Variants in GSK3B observed in about 807,000 individuals in gnomAD.
GSK3B encodes glycogen synthase kinase-3 beta.
A neutral mutation model predicts 56.4 loss-of-function variants in GSK3B; 15 were observed. The observed-to-expected ratio is 0.27, with a 90% CI of 0.18 to 0.41. GSK3B has a LOEUF of 0.41. Ranked by LOEUF, GSK3B falls within the 10% of genes least tolerant of loss-of-function variation. The pLI, the probability that GSK3B is intolerant of heterozygous loss-of-function variation, is 1.00. For synonymous variants in GSK3B, 181 were observed against 188.9 expected, an observed-to-expected ratio of 0.96 and a Z score of 0.34; for missense variants, 300 against 513.4, an observed-to-expected ratio of 0.58 and a Z score of 4.02.
intron 1 of GSK3B, among the ~76,000 whole-genome samples, chr3:120,044,059 T>C (rs564678627): frequency 2.6e-5 from 4 of 152,358 alleles, no homozygotes; most frequent in South Asian, 2.1e-4. Flanking sequence ...GAGGCCCAGA[T>C]TGTCCCCTTT....
intron 2 of GSK3B, 146 bp downstream of exon 2, chr3:120,001,900 G>A (rs1352331718): frequency 8.2e-6 from 4 of 486,238 alleles, no homozygotes; most frequent in Admixed American, 4.1e-5. Flanking sequence ...TACATGACTA[G>A]AAATAAAATC....
At chr3:119,899,171 G>A (rs1355102181) in intron 7 of GSK3B, among the ~76,000 whole-genome samples, 2 of 152,080 alleles carry the variant, frequency 1.3e-5, no homozygotes, top group Non-Finnish European at 2.9e-5. Context: ...TGGATATACT[G>A]GACAAAGGGA....
chr3:120,023,193 T>A (rs1231770041), intron 1 of GSK3B, among the ~76,000 whole-genome samples: 3 of 151,194 alleles, frequency 2.0e-5, no homozygotes, highest in Non-Finnish European at 2.9e-5. Context: ...GCAGAAGCAT[T>A]GAACACATAC....
intron 1 of GSK3B, among the ~76,000 whole-genome samples, chr3:120,090,586 T>C (rs745466703): frequency 1.3e-5 from 2 of 152,232 alleles, no homozygotes; most frequent in Non-Finnish European, 2.9e-5. Flanking sequence ...CAGTCCAGTA[T>C]GAAGTTCTGC....
At chr3:120,072,798 T>C (rs899413450) in intron 1 of GSK3B, among the ~76,000 whole-genome samples, 14 of 152,148 alleles carry the variant, frequency 9.2e-5, no homozygotes, top group Non-Finnish European at 2.1e-4. Context: ...CAAAAATTAT[T>C]GAGACCAATA....
At chr3:120,054,155 A>C (rs1371095952) in intron 1 of GSK3B, among the ~76,000 whole-genome samples, 1 of 152,252 alleles carries the variant, frequency 6.6e-6, no homozygotes, top group Non-Finnish European at 1.5e-5. Context: ...AGAGCAAACA[A>C]GAAGCATAAA....
Position 119,824,329 on chromosome 3 carries a change from GCACA to G in GSK3B, c.*2455_*2458del, listed in dbSNP as rs3835183. The G allele has an allele frequency of 0.49, 103,535 of 211,234 alleles. 25,527 individuals are homozygous for G. Among genetic ancestry groups the G allele is most frequent in the Admixed American group, 0.59 (9,945 of 16,938 alleles). The allele number at this position is 211,234 out of a possible 1,614,324, so 13.1% of individuals were successfully genotyped here. ...TGAGAAAGAAAAATCACACATCTCA[GCACA>G]CACACACACACACACACACGCACAC... On this transcript the variant is annotated 3_prime_UTR_variant, in exon 11 of 11. Transcript: ENST00000264235.
At chr3:119,846,054 T>G (rs1277964016) in intron 9 of GSK3B, among the ~76,000 whole-genome samples, 3 of 152,180 alleles carry the variant, frequency 2.0e-5, no homozygotes, top group African/African-American at 7.2e-5. Flanking sequence ...GGGGAAAGGA[T>G]TCCCTATTTA....
intron 7 of GSK3B, among the ~76,000 whole-genome samples, chr3:119,893,671 C>T (rs1474948576): frequency 2.0e-5 from 3 of 152,092 alleles, no homozygotes; most frequent in Admixed American, 2.0e-4. Context: ...TACTCTATTT[C>T]ATTCACTCTT....
intron 2 of GSK3B, among the ~76,000 whole-genome samples, chr3:119,983,332 C>G (rs2057482508): frequency 6.6e-6 from 1 of 152,110 alleles, no homozygotes; most frequent in African/African-American, 2.4e-5. Flanking sequence ...ATCATAATGA[C>G]AGGAACAAAT....
intron 7 of GSK3B, among the ~76,000 whole-genome samples, chr3:119,880,143 C>T (rs1055320470): frequency 3.9e-5 from 6 of 152,096 alleles, no homozygotes; most frequent in Non-Finnish European, 7.4e-5. Context: ...TACTGCCTGT[C>T]ATTTAGATAA....
At chr3:120,020,081 G>A in intron 1 of GSK3B, among the ~76,000 whole-genome samples, 1 of 152,314 alleles carries the variant, frequency 6.6e-6, no homozygotes, top group Middle Eastern at 3.4e-3. Flanking sequence ...GAGGAGATAT[G>A]CCTAAAATAT....
chr3:120,053,169 T>C (rs1315724546), intron 1 of GSK3B, among the ~76,000 whole-genome samples: 2 of 152,088 alleles, frequency 1.3e-5, no homozygotes, highest in African/African-American at 4.8e-5. Context: ...AAACCTCTTC[T>C]CTACTAAAAA....
In GSK3B at chr3:119,826,444, C is replaced by T. The variant is rs901797779; in HGVS notation, c.*344G>A. The T allele has an allele frequency of 2.2e-6, 1 of 455,274 alleles. No individual in the cohort carries two copies. Among genetic ancestry groups the T allele is most frequent in the African/African-American group, 2.0e-5 (1 of 51,258 alleles). The allele number at this position is 455,274 out of a possible 1,614,324, so 28.2% of individuals were successfully genotyped here. A position where few individuals can be genotyped will look rare whatever the true frequency, so the allele number is the denominator to read the frequency against. The stretch of plus-strand genomic sequence containing the variant: ...AGGTTTTCTTCTTTTGTGGAAGGGG[C>T]ATGAGGCAGGAGTCCTGTTTTTAAA... On this transcript the variant is annotated 3_prime_UTR_variant, in exon 11 of 11. Transcript: ENST00000264235.
chr3:120,047,622 T>C (rs2058114495), intron 1 of GSK3B, among the ~76,000 whole-genome samples: 1 of 152,244 alleles, frequency 6.6e-6, no homozygotes, highest in South Asian at 2.1e-4. Context: ...TTCCAATTAA[T>C]TTATTCAACA....
rs2055476097 is a variant in GSK3B at position 119,824,822 on chromosome 3, A to G, written c.*1966T>C. ...AGCTAAACAGCGAGTGAAAACCAAGATGGCTCACAGTTGTCTTTCTGGGTA... is the reference window on the plus strand; with the variant it reads ...AGCTAAACAGCGAGTGAAAACCAAGGTGGCTCACAGTTGTCTTTCTGGGTA... On this transcript the variant is annotated 3_prime_UTR_variant, in exon 11 of 11. Coordinates refer to ENST00000264235, the MANE Select transcript of GSK3B (RefSeq NM_001146156.2). 5.4e-6 allele frequency: 1 copy of G among 184,222 alleles called. No individual in the cohort carries two copies. The highest frequency in any genetic ancestry group is 1.2e-5 in the Non-Finnish European group (1 of 86,830). 11.4% of individuals were successfully genotyped at this position (184,222 alleles called of 1,614,324 possible). A position where few individuals can be genotyped will look rare whatever the true frequency, so the allele number is the denominator to read the frequency against.
At chr3:120,011,023 C>A (rs562276679) in intron 1 of GSK3B, among the ~76,000 whole-genome samples, 1 of 152,308 alleles carries the variant, frequency 6.6e-6, no homozygotes, top group Admixed American at 6.5e-5. Flanking sequence ...GAGCTGAGAT[C>A]ATGCCACTGT....
intron 2 of GSK3B, among the ~76,000 whole-genome samples, chr3:119,958,999 T>C (rs1197551862): frequency 6.6e-6 from 1 of 152,192 alleles, no homozygotes; most frequent in African/African-American, 2.4e-5. Context: ...CTGTGCAGAA[T>C]ATGCCTTTGT....
chr3:120,057,152 A>AAAAAAG (rs1053353654), intron 1 of GSK3B, among the ~76,000 whole-genome samples: 2 of 152,360 alleles, frequency 1.3e-5, no homozygotes, highest in South Asian at 4.1e-4. Context: ...CTCAAAAAAG[A>AAAAAAG]AAAAAGAAAA....
Sources: allele counts gnomAD v4.1 joint callset (sites outside exome capture counted in the v4.1 genomes callset), GRCh38; gene constraint gnomAD v4.1.1; transcripts MANE v1.5; gene names NCBI Gene and HGNC (gene_info 2026-07-23, HGNC 2026-07-21).